IGSF21: variants seen among roughly 807,000 people sequenced by gnomAD.
IGSF21 encodes immunoglobin superfamily member 21.
A neutral mutation model predicts 46.8 loss-of-function variants in IGSF21; 28 were observed. The ratio of observed to expected loss-of-function variants is 0.60; its 90% CI spans 0.44 to 0.82. The LOEUF (loss-of-function observed/expected upper bound fraction) is 0.82. Ranked by LOEUF, IGSF21 falls within the 40% of genes least tolerant of loss-of-function variation. The probability of loss-of-function intolerance (pLI) is 0.00; values close to 1 mark genes in which losing one functional copy is unlikely to be tolerated. For synonymous variants in IGSF21, 284 were observed against 273.6 expected, an observed-to-expected ratio of 1.04 and a Z score of -0.38; for missense variants, 624 against 665.5, an observed-to-expected ratio of 0.94 and a Z score of 0.69.
intron 1 of IGSF21, among the ~76,000 whole-genome samples, chr1:18,165,571 C>A (rs1230773315): frequency 1.3e-5 from 2 of 152,162 alleles, no homozygotes; most frequent in Non-Finnish European, 2.9e-5. Context: ...CACTTCTCAG[C>A]CTGTAAAGAG....
chr1:18,127,496 G>T (rs574329879), intron 1 of IGSF21, among the ~76,000 whole-genome samples: 1 of 152,090 alleles, frequency 6.6e-6, no homozygotes, highest in Non-Finnish European at 1.5e-5. Context: ...TCAGGGCCAC[G>T]TGGAGAACTT....
chr1:18,200,274 A>G (rs753120116), intron 1 of IGSF21, among the ~76,000 whole-genome samples: 10 of 152,320 alleles, frequency 6.6e-5, no homozygotes, highest in Admixed American at 1.3e-4. Flanking sequence ...TATCTAGGGA[A>G]ATGCCTGGGG....
chr1:18,268,561 C>A (rs2124543183), intron 2 of IGSF21, among the ~76,000 whole-genome samples: 1 of 152,330 alleles, frequency 6.6e-6, no homozygotes, highest in East Asian at 1.9e-4. Flanking sequence ...GAAAGACACC[C>A]AACCCCAACT....
At chr1:18,253,136 C>G (rs1236698895) in intron 2 of IGSF21, among the ~76,000 whole-genome samples, 2 of 152,178 alleles carry the variant, frequency 1.3e-5, no homozygotes, top group African/African-American at 2.4e-5. Context: ...ATGTGTCCCT[C>G]TTTCCCCAAG....
chr1:18,322,160 G>C lies in IGSF21; in HGVS notation c.306-12732G>C, dbSNP rs567876757. Among the ~76,000 whole-genome samples the C allele has an allele frequency of 6.6e-6, 1 of 152,120 alleles. No individual in the cohort carries two copies. Among genetic ancestry groups the C allele is most frequent in the African/African-American group, 2.4e-5 (1 of 41,424 alleles). ...TTTTCAGTGCCTCGCACAGGGTCTC[G>C]CACACAGGAGGTGCTCAGTGAACCT... is the stretch of plus-strand genomic sequence containing the variant. On this transcript the variant is annotated intron_variant, in intron 3 of 9. Transcript: ENST00000251296. This position sits in a 1 kb window ranked among gnomAD's most constrained non-coding sequence, Gnocchi z 4.3.
intron 1 of IGSF21, among the ~76,000 whole-genome samples, chr1:18,199,815 G>A (rs768584331): frequency 3.3e-5 from 5 of 151,958 alleles, no homozygotes; most frequent in South Asian, 2.1e-4. Context: ...AAGTTTTATC[G>A]GGAGCTCAGA....
intron 3 of IGSF21, among the ~76,000 whole-genome samples, chr1:18,332,746 C>A (rs1321193715): frequency 2.0e-5 from 3 of 152,130 alleles, no homozygotes; most frequent in Admixed American, 6.5e-5. Context: ...TAAGTCCTTC[C>A]ATGACAGTCG....
chr1:18,345,936 G>A (rs1318841700), intron 4 of IGSF21, among the ~76,000 whole-genome samples: 1 of 152,330 alleles, frequency 6.6e-6, no homozygotes, highest in African/African-American at 2.4e-5. Context: ...GCTTTTGAAA[G>A]TTTATTTCAT....
chr1:18,207,972 A>G (rs1005886068), intron 1 of IGSF21, among the ~76,000 whole-genome samples: 10 of 152,182 alleles, frequency 6.6e-5, no homozygotes, highest in Non-Finnish European at 1.5e-4. Flanking sequence ...AAGAAAAAAA[A>G]CGGGTTCAAA....
chr1:18,282,212 T>C lies in IGSF21; in HGVS notation c.184-9654T>C, dbSNP rs565516795. Among the ~76,000 whole-genome samples the C allele has an allele frequency of 6.6e-5, 10 of 152,158 alleles. No homozygotes were observed. In the South Asian group the frequency reaches 2.1e-3, roughly 32 times the overall value. On this transcript the variant is annotated intron_variant, in intron 2 of 9. Coordinates refer to ENST00000251296, the MANE Select transcript of IGSF21 (RefSeq NM_032880.5). ...CCGGTTGTGGTTCCTGACCCCTGTG[T>C]CCAAATGACCTGATGACGCTTGTTA...
intron 4 of IGSF21, among the ~76,000 whole-genome samples, chr1:18,344,530 G>C (rs545228299): frequency 6.6e-6 from 1 of 152,052 alleles, no homozygotes; most frequent in East Asian, 1.9e-4. Context: ...ACACCACTCT[G>C]CTTCTCTGGG....
At chr1:18,282,756 C>T (rs2085174510) in intron 2 of IGSF21, among the ~76,000 whole-genome samples, 1 of 152,090 alleles carries the variant, frequency 6.6e-6, no homozygotes, top group Admixed American at 6.5e-5. Flanking sequence ...ATGCACAACA[C>T]CGTAAGTCCA....
intron 2 of IGSF21, among the ~76,000 whole-genome samples, chr1:18,254,900 A>G (rs1242029113): frequency 1.3e-5 from 2 of 152,072 alleles, no homozygotes; most frequent in Non-Finnish European, 2.9e-5. Context: ...CCCTCCATTC[A>G]TCCAGCACTT....
At chr1:18,336,577 G>A (rs2085768422) in intron 4 of IGSF21, among the ~76,000 whole-genome samples, 1 of 152,170 alleles carries the variant, frequency 6.6e-6, no homozygotes, top group Non-Finnish European at 1.5e-5. Flanking sequence ...CGCATTGCTG[G>A]AGGCAGTGAA....
At chr1:18,235,798 G>T (rs1297898039) in intron 2 of IGSF21, among the ~76,000 whole-genome samples, 2 of 152,206 alleles carry the variant, frequency 1.3e-5, no homozygotes, top group Non-Finnish European at 2.9e-5. Flanking sequence ...TCACTTCTGG[G>T]TGGAGAATGG....
chr1:18,345,009 G>A (rs750578380), intron 4 of IGSF21, among the ~76,000 whole-genome samples: 1 of 152,194 alleles, frequency 6.6e-6, no homozygotes, highest in Non-Finnish European at 1.5e-5. Flanking sequence ...CACTGAAGGG[G>A]AGGAGGTATG....
At chr1:18,278,526 G>GTTT (rs200294798) in intron 2 of IGSF21, among the ~76,000 whole-genome samples, 1 of 132,818 alleles carries the variant, frequency 7.5e-6, no homozygotes, top group African/African-American at 2.9e-5. Flanking sequence ...CAGGTGTAAG[G>GTTT]TTTTTTTTGT....
intron 1 of IGSF21, among the ~76,000 whole-genome samples, chr1:18,160,673 C>T (rs1316886101): frequency 1.3e-5 from 2 of 152,096 alleles, no homozygotes; most frequent in Non-Finnish European, 2.9e-5. Flanking sequence ...CTGCTCCTGT[C>T]ATAGTCATTA....
chr1:18,108,419 GT>G (rs2086111890), intron 1 of IGSF21, among the ~76,000 whole-genome samples: 1 of 151,672 alleles, frequency 6.6e-6, no homozygotes, highest in African/African-American at 2.4e-5. Context: ...TAAATTGTGT[GT>G]CTTTGTTGTG....
Sources: gnomAD v4.1 joint callset for allele counts (sites outside exome capture counted in the v4.1 genomes callset) on GRCh38, gnomAD v4.1.1 for gene constraint, Gnocchi (gnomAD v3.1) non-coding constraint, MANE v1.5 for transcripts, NCBI Gene and HGNC (gene_info 2026-07-23, HGNC 2026-07-21) for gene names.